KCNIP4: variants seen among roughly 807,000 people sequenced by gnomAD.
The protein encoded by KCNIP4 is Kv channel-interacting protein 4.
A neutral mutation model predicts 34.0 loss-of-function variants in KCNIP4; 12 were observed. The ratio of observed to expected loss-of-function variants is 0.35; its 90% CI spans 0.23 to 0.57. KCNIP4 has a LOEUF of 0.57. Among genes scored for constraint, KCNIP4 ranks in the 20% least tolerant of loss-of-function variants. The probability of loss-of-function intolerance (pLI) is 0.83; values close to 1 mark genes in which losing one functional copy is unlikely to be tolerated. For missense variants in KCNIP4, 238 were observed against 311.7 expected (o/e 0.76, Z 1.78); for synonymous variants, 124 against 102.2 (o/e 1.21, Z -1.29).
At chr4:21,244,706 G>T (rs1441609483) in intron 1 of KCNIP4, among the ~76,000 whole-genome samples, 2 of 152,064 alleles carry the variant, frequency 1.3e-5, no homozygotes, top group Admixed American at 6.5e-5. Flanking sequence ...TAAGTTTCAG[G>T]TTCGTTGAAA....
chr4:20,985,624 AATG>A lies in KCNIP4; in HGVS notation c.62-102918_62-102916del, dbSNP rs544592275. Among the ~76,000 whole-genome samples the A allele has an allele frequency of 1.1e-3, 173 of 152,286 alleles. 1 individual carries two copies. Among genetic ancestry groups the A allele is most frequent in the Admixed American group, 2.4e-3 (37 of 15,306 alleles). ...GCTATAAATGGTACATGAATGATCA[AATG>A]ATGAATAATACTCAGCTCTGTCTTT... is the stretch of plus-strand genomic sequence containing the variant. On this transcript the variant is annotated intron_variant, in intron 1 of 8. Coordinates refer to ENST00000382152, the MANE Select transcript of KCNIP4 (RefSeq NM_025221.6).
chr4:20,755,636 T>G (rs887951312), intron 4 of KCNIP4, among the ~76,000 whole-genome samples: 4 of 152,106 alleles, frequency 2.6e-5, no homozygotes, highest in African/African-American at 9.7e-5. Context: ...TTGTCTCGAG[T>G]GCCGAAAAGA....
intron 3 of KCNIP4, chr4:20,766,867 C>T (rs1202403853): frequency 6.6e-6 from 1 of 152,086 alleles, no homozygotes. Context: ...CTGGGTTGAA[C>T]CCCTACTCTG....
chr4:21,691,847 C>T (rs1210290644), intron 1 of KCNIP4, among the ~76,000 whole-genome samples: 1 of 151,872 alleles, frequency 6.6e-6, no homozygotes, highest in African/African-American at 2.4e-5. Flanking sequence ...TACAGGCACC[C>T]GCCACCATGC....
At chr4:21,766,919 C>A (rs929165817) in intron 1 of KCNIP4, among the ~76,000 whole-genome samples, 3 of 152,074 alleles carry the variant, frequency 2.0e-5, no homozygotes, top group African/African-American at 4.8e-5. Flanking sequence ...GCAGTGATCA[C>A]AACAAAGACC....
In KCNIP4 at chr4:21,106,121, A is replaced by C. The variant is rs1748504062; in HGVS notation, c.62-223412T>G. On this transcript the variant is annotated intron_variant, in intron 1 of 8. Coordinates refer to ENST00000382152, the MANE Select transcript of KCNIP4 (RefSeq NM_025221.6). ...TGACGCTGGCCTCATAAAATGAGTT[A>C]GGGAGGATTCCCTCTTTTTCTATTG... Among the ~76,000 whole-genome samples the C allele has an allele frequency of 4.0e-5, 6 of 151,612 alleles. No individual in the cohort carries two copies. In the South Asian group the frequency reaches 1.2e-3, roughly 31 times the overall value.
At chr4:21,845,419 T>C (rs949368861) in intron 1 of KCNIP4, 4 of 152,100 alleles carry the variant, frequency 2.6e-5, no homozygotes, top group Non-Finnish European at 4.4e-5. Flanking sequence ...TTTATAAACA[T>C]AAAAATCGTT....
chr4:21,589,190 ATATATATATATG>A (rs1203408357), intron 1 of KCNIP4, among the ~76,000 whole-genome samples: 6,780 of 65,800 alleles, frequency 0.1, 712 homozygotes, highest in East Asian at 0.36. Flanking sequence ...ATATATATAT[ATATATATATATG>A]TGTACATATA....
chr4:21,128,495 G>A (rs1750799081), intron 1 of KCNIP4, among the ~76,000 whole-genome samples: 1 of 152,256 alleles, frequency 6.6e-6, no homozygotes, highest in Admixed American at 6.5e-5. Context: ...TGAGGGTAAG[G>A]ATGCTATTCC....
intron 1 of KCNIP4, among the ~76,000 whole-genome samples, chr4:21,143,399 A>C (rs1752115219): frequency 6.6e-6 from 1 of 152,290 alleles, no homozygotes; most frequent in East Asian, 1.9e-4. Flanking sequence ...CAGCAAGGAA[A>C]TGGGGAACCT....
chr4:21,333,283 C>T (rs1427734594), intron 1 of KCNIP4, among the ~76,000 whole-genome samples: 2 of 151,730 alleles, frequency 1.3e-5, no homozygotes, highest in African/African-American at 2.4e-5. Context: ...ACTCTGCCTC[C>T]CTTGTAAGTC....
intron 1 of KCNIP4, among the ~76,000 whole-genome samples, chr4:21,915,778 G>A (rs1051533850): frequency 6.6e-6 from 1 of 152,210 alleles, no homozygotes; most frequent in Admixed American, 6.5e-5. Context: ...GCTTGTTAAT[G>A]TCAGGCTCTG....
intron 3 of KCNIP4, among the ~76,000 whole-genome samples, chr4:20,809,607 G>A (rs1016405043): frequency 6.6e-6 from 1 of 152,110 alleles, no homozygotes; most frequent in Admixed American, 6.5e-5. Flanking sequence ...ACCTTTTCTG[G>A]CCATCAACTG....
intron 1 of KCNIP4, among the ~76,000 whole-genome samples, chr4:21,004,932 G>A (rs1246763152): frequency 2.0e-5 from 3 of 151,956 alleles, no homozygotes; most frequent in Non-Finnish European, 4.4e-5. Context: ...ATATTGAGGA[G>A]CAAGCAGAGA....
chr4:20,902,071 T>G (rs1727211278), intron 1 of KCNIP4, among the ~76,000 whole-genome samples: 1 of 152,170 alleles, frequency 6.6e-6, no homozygotes, highest in African/African-American at 2.4e-5. Flanking sequence ...CTTGACACAT[T>G]TTCTGGACTT....
At chr4:21,859,324 C>A (rs13104527) in intron 1 of KCNIP4, among the ~76,000 whole-genome samples, 16,248 of 152,018 alleles carry the variant, frequency 0.11, 886 homozygotes, top group Middle Eastern at 0.13. Flanking sequence ...TTTCACCTGG[C>A]TTAACTGGCC....
chr4:21,398,150 G>T (rs1041684694), intron 1 of KCNIP4, among the ~76,000 whole-genome samples: 4 of 152,116 alleles, frequency 2.6e-5, no homozygotes, highest in Non-Finnish European at 5.9e-5. Context: ...AGTCTATTCA[G>T]GTATGTTTTC....
At chr4:21,697,108 A>T (rs540068377) in intron 1 of KCNIP4, among the ~76,000 whole-genome samples, 26 of 152,178 alleles carry the variant, frequency 1.7e-4, no homozygotes, top group African/African-American at 6.0e-4. Context: ...CCTGAAATTT[A>T]CCAAGAACAC....
rs749777299 is a variant in KCNIP4 at position 20,730,134 on chromosome 4, A to G, written c.706-5T>C. The G allele has an allele frequency of 5.0e-6, 8 of 1,605,598 alleles. No individual in the cohort carries two copies. Among genetic ancestry groups the G allele is most frequent in the South Asian group, 4.5e-5 (4 of 89,454 alleles). On this transcript the variant is annotated splice_polypyrimidine_tract_variant and splice_region_variant and intron_variant, in intron 8 of 8. Transcript: ENST00000382152. The stretch of plus-strand genomic sequence containing the variant: ...GGAGCGCATTATGTTTTCATCCTGT[A>G]AGGGAGAAACACAGAGCGATTAAAT...
Sources: gnomAD v4.1 joint callset for allele counts (sites outside exome capture counted in the v4.1 genomes callset) on GRCh38, gnomAD v4.1.1 for gene constraint, MANE v1.5 for transcripts, NCBI Gene and HGNC (gene_info 2026-07-23, HGNC 2026-07-21) for gene names.